Variants in GMPR2 observed in about 807,000 individuals in gnomAD.
The protein encoded by GMPR2 is GMP reductase 2.
GMPR2 carries 32 observed loss-of-function variants against 38.5 expected under a neutral mutation model. That is an observed-to-expected ratio of 0.83 (90% confidence interval 0.63 to 1.12). GMPR2 has a LOEUF of 1.12. Ranked by LOEUF, GMPR2 falls within the 50% of genes most tolerant of loss-of-function variation. GMPR2 has a pLI of 0.00. For missense variants in GMPR2, 396 were observed against 432.1 expected, an observed-to-expected ratio of 0.92 and a Z score of 0.74; for synonymous variants, 154 against 151.0, an observed-to-expected ratio of 1.02 and a Z score of -0.15.
chr14:24,233,819 C>A (rs2040202581), intron 3 of GMPR2: 1 of 626,692 alleles, frequency 1.6e-6, no homozygotes, highest in Admixed American at 2.9e-5. Flanking sequence ...TCCGATATTT[C>A]TGATATATGA....
intron 3 of GMPR2, among the ~76,000 whole-genome samples, chr14:24,234,546 T>C (rs1316393451): frequency 6.6e-6 from 1 of 152,226 alleles, no homozygotes; most frequent in Non-Finnish European, 1.5e-5. Context: ...GACTGCAGAG[T>C]TAACAGGCGT....
chr14:24,232,908 C>T (rs944127934), upstream of GMPR2: 3 of 419,586 alleles, frequency 7.1e-6, no homozygotes, highest in Non-Finnish European at 1.3e-5. Context: ...CGCCAACATT[C>T]CTTCGTTCCC....
Position 24,237,315 on chromosome 14 carries a change from A to G in GMPR2, c.618A>G (p.Ala206=), listed in dbSNP as rs1183813763. 1 of 1,611,840 alleles carries G rather than the reference A, an allele frequency of 6.2e-7. No individual in the cohort carries two copies. The highest frequency in any genetic ancestry group is 8.5e-7 in the Non-Finnish European group (1 of 1,177,872). The part of the protein sequence containing the change: ...YPQLSAVMEC[A]DAAHGLKGHI... ...AGCTCAGCGCAGTGATGGAGTGTGC[A>G]GATGCTGCTCATGGCCTCAAAGGCC... is the stretch of plus-strand genomic sequence containing the variant. Residue 206 remains alanine, a synonymous_variant, in exon 7 of 10, where the codon GCA becomes GCG. Coordinates refer to ENST00000399440, the MANE Select transcript of GMPR2 (RefSeq NM_001002002.3).
chr14:24,236,180 C>T (rs2040334701), intron 5 of GMPR2, 40 bp downstream of exon 5: 1 of 1,504,744 alleles, frequency 6.6e-7, no homozygotes, highest in African/African-American at 1.4e-5. Flanking sequence ...TATCTTTCCA[C>T]TTTCCTGCCA....
intron 5 of GMPR2, 23 bp downstream of exon 5, chr14:24,236,163 A>G: frequency 6.3e-7 from 1 of 1,593,020 alleles, no homozygotes; most frequent in Non-Finnish European, 8.6e-7. Context: ...TACAGTCGGT[A>G]CCTTTTTATC....
At chr14:24,237,801 G>C (rs1594537081) in intron 8 of GMPR2, 1 of 563,526 alleles carries the variant, frequency 1.8e-6, no homozygotes. Flanking sequence ...AGACTCCTGA[G>C]CCCCAGCCAT....
intron 5 of GMPR2, 21 bp downstream of exon 5, chr14:24,236,161 G>A: frequency 1.3e-6 from 2 of 1,596,386 alleles, no homozygotes; most frequent in Non-Finnish European, 8.6e-7. Flanking sequence ...ATTACAGTCG[G>A]TACCTTTTTA....
At position 24,235,985 on chromosome 14, in the gene GMPR2, G is replaced by A. The variant is rs1310032201; in HGVS notation, c.310G>A (p.Gly104Ser). 1 of 1,613,978 alleles carries A rather than the reference G, an allele frequency of 6.2e-7. No individual in the cohort carries two copies. The highest frequency in any genetic ancestry group is 8.5e-7 in the Non-Finnish European group (1 of 1,179,990). The change falls in exon 5 of 10, where the codon GGC (glycine) becomes AGC (serine). Residue 104 changes from glycine (G) to serine (S), a missense_variant. Physicochemically the swap from Gly to Ser is moderately conservative, Grantham distance 56. Transcript: ENST00000399440. ...DCLEHLAASS[G>S]TGSSDFEQLE... is the part of the protein sequence containing the mutation. ...CCCACAGCATCTGGCTGCCAGCTCA[G>A]GCACAGGCTCTTCTGACTTTGAGCA...
At chr14:24,233,989 C>A in intron 3 of GMPR2, 3 of 781,626 alleles carry the variant, frequency 3.8e-6, no homozygotes, top group Non-Finnish European at 5.6e-6. Flanking sequence ...TTTAAGCATT[C>A]AAAAATCCTA....
Position 24,235,982 on chromosome 14 carries a change from T to G in GMPR2, c.307T>G (p.Ser103Ala). The G allele has an allele frequency of 6.2e-7, 1 of 1,614,088 alleles. No individual in the cohort carries two copies. The highest frequency in any genetic ancestry group is 1.1e-5 in the South Asian group (1 of 91,070). The change falls in exon 5 of 10, where the codon TCA (serine) becomes GCA (alanine). Residue 103 changes from serine (S) to alanine (A), a missense_variant. Transcript: ENST00000399440. ...TCTCCCACAGCATCTGGCTGCCAGC[T>G]CAGGCACAGGCTCTTCTGACTTTGA... is the stretch of plus-strand genomic sequence containing the variant. ...PDCLEHLAAS[S>A]GTGSSDFEQL...
In GMPR2 at chr14:24,237,164, C is replaced by A. The variant is rs774296101; in HGVS notation, c.547+12C>A. ...GGGAATTGGGCCAGGTAAGCTGGTT[C>A]ATTGGGGCCACTGGCTACCCCCCTT... On this transcript the variant is annotated intron_variant, in intron 6 of 9. Transcript: ENST00000399440. 1.2e-5 allele frequency: 19 copies of A among 1,577,504 alleles called. No individual in the cohort carries two copies. Among genetic ancestry groups the A allele is most frequent in the Non-Finnish European group, 1.6e-5 (18 of 1,146,618 alleles).
Position 24,237,568 on chromosome 14 carries a change from G to A in GMPR2, c.697+6G>A, listed in dbSNP as rs773657752. 8.7e-6 allele frequency: 14 copies of A among 1,612,934 alleles called. No individual in the cohort carries two copies. The South Asian group carries it at 1.3e-4, about 15-fold the overall frequency. ...GGATGTGGCCAAGGCTTTTGGTAAG[G>A]AGCTTGAGGGCACAGAAGGATGATT... On this transcript the variant is annotated splice_donor_region_variant and intron_variant, in intron 8 of 9. Coordinates refer to ENST00000399440, the MANE Select transcript of GMPR2 (RefSeq NM_001002002.3).
chr14:24,236,088 T>C lies in GMPR2; in HGVS notation c.413T>C (p.Phe138Ser), dbSNP rs1315225239. Residue 138 changes from phenylalanine to serine, a missense_variant, in exon 5 of 10, where the codon TTT becomes TCT. Transcript: ENST00000399440. ...LDVANGYSEHFVEFVKDVRKR... is the reference protein window; with the variant it reads ...LDVANGYSEHSVEFVKDVRKR... Reference sequence around the variant, plus strand: ...GTGGCAAATGGCTACTCTGAACACTTTGTTGAATTTGTAAAAGATGTACGG... The same window carrying C: ...GTGGCAAATGGCTACTCTGAACACTCTGTTGAATTTGTAAAAGATGTACGG... 5.0e-6 allele frequency: 8 copies of C among 1,614,032 alleles called. No individual in the cohort carries two copies. The East Asian group carries it at 6.7e-5, about 13-fold the overall frequency.
Position 24,237,225 on chromosome 14 carries a change from CCTTATCATGTT to C in GMPR2, c.548-16_548-6del, listed in dbSNP as rs2040388164. ...CACCTGTGGAGCACGTCATTCTTAC[CCTTATCATGTT>C]CTTCCTAGGCTCTGTGTGTACTACT... On this transcript the variant is annotated splice_polypyrimidine_tract_variant and intron_variant, in intron 6 of 9. Coordinates refer to ENST00000399440, the MANE Select transcript of GMPR2 (RefSeq NM_001002002.3). 6.4e-7 allele frequency: 1 copy of C among 1,572,070 alleles called. No individual in the cohort carries two copies. The highest frequency in any genetic ancestry group is 1.4e-5 in the African/African-American group (1 of 74,062).
rs538259582 is a variant in GMPR2 at position 24,238,934 on chromosome 14, A to G, written c.*156A>G. On this transcript the variant is annotated 3_prime_UTR_variant, in exon 10 of 10. Transcript: ENST00000399440. ...TCCTGCAGTAACTCTGTACTTCTCT[A>G]TCTGCACACACAAAATGCCCAAGGC... The G allele has an allele frequency of 2.3e-5, 16 of 711,074 alleles. No homozygotes were observed. The highest frequency in any genetic ancestry group is 1.0e-4 in the African/African-American group (6 of 57,582). 44.0% of individuals were successfully genotyped at this position (711,074 alleles called of 1,614,324 possible).
chr14:24,233,029 C>A, intron 1 of GMPR2, 52 bp downstream of exon 1: 1 of 663,646 alleles, frequency 1.5e-6, no homozygotes, highest in East Asian at 2.6e-5. Flanking sequence ...GCTCTCCTCC[C>A]CAACAAACAG....
chr14:24,237,640 G>A lies in GMPR2; in HGVS notation c.697+78G>A, dbSNP rs1056896660. On this transcript the variant is annotated intron_variant, in intron 8 of 9. Transcript: ENST00000399440. ...CTCTGAGGGTCTAGGGTCAGGCTAA[G>A]AGAGGCTCAGGAAGTCATTCAGATT... The A allele has an allele frequency of 2.4e-6, 3 of 1,260,132 alleles. No homozygotes were observed. In the African/African-American group the frequency reaches 4.4e-5, roughly 19 times the overall value. 78.1% of individuals were successfully genotyped at this position (1,260,132 alleles called of 1,614,324 possible).
At chr14:24,237,436 T>C (rs2040400941) in intron 7 of GMPR2, 84 bp from the exon 8 acceptor site, 1 of 1,525,982 alleles carries the variant, frequency 6.6e-7, no homozygotes, top group Non-Finnish European at 9.1e-7. Context: ...TCCTGGGTTC[T>C]TGTTGGCTTT....
rs764422810 is a variant in GMPR2, at chr14:24,237,262, C to A, written c.565C>A (p.Arg189=). ...CTTCCTAGGCTCTGTGTGTACTACT[C>A]GGAAGAAAACTGGAGTGGGGTATCC... ...GIGPGSVCTT[R]KKTGVGYPQL... is the part of the protein sequence containing the mutation. The change falls in exon 7 of 10, where the codon CGG becomes AGG. Residue 189 remains arginine, a synonymous_variant. Coordinates refer to ENST00000399440, the MANE Select transcript of GMPR2 (RefSeq NM_001002002.3). 3.5e-5 allele frequency: 57 copies of A among 1,608,714 alleles called. No homozygotes were observed. In the South Asian group the frequency reaches 6.2e-4, roughly 17 times the overall value.
Sources: allele counts gnomAD v4.1 joint callset (sites outside exome capture counted in the v4.1 genomes callset), GRCh38; gene constraint gnomAD v4.1.1; transcripts MANE v1.5; gene names NCBI Gene and HGNC (gene_info 2026-07-23, HGNC 2026-07-21).